NRG3: variants seen among roughly 807,000 people sequenced by gnomAD.
The protein encoded by NRG3 is pro-neuregulin-3, membrane-bound isoform.
In NRG3, 31 loss-of-function variants were observed where a neutral mutation model predicts 66.9. The observed-to-expected ratio is 0.46, with a 90% CI of 0.35 to 0.63. The LOEUF (loss-of-function observed/expected upper bound fraction) is 0.63. Among genes scored for constraint, NRG3 ranks in the 20% least tolerant of loss-of-function variants. NRG3 has a pLI of 0.00. For synonymous variants in NRG3, 393 were observed against 359.4 expected (o/e 1.09, Z -1.06); for missense variants, 910 against 878.9 (o/e 1.04, Z -0.45).
chr10:81,888,820 A>G (rs1393508153), intron 1 of NRG3, among the ~76,000 whole-genome samples: 1 of 152,136 alleles, frequency 6.6e-6, no homozygotes, highest in Non-Finnish European at 1.5e-5. Context: ...GTGATACAAT[A>G]TCTGTGGTAT....
At chr10:82,305,293 C>T (rs1324221316) in intron 1 of NRG3, among the ~76,000 whole-genome samples, 3 of 152,062 alleles carry the variant, frequency 2.0e-5, no homozygotes, top group Non-Finnish European at 4.4e-5. Flanking sequence ...CCGCGCCCGG[C>T]CCAAGTCATC....
chr10:82,780,643 A>T (rs2060086989), intron 3 of NRG3, among the ~76,000 whole-genome samples: 1 of 152,112 alleles, frequency 6.6e-6, no homozygotes, highest in South Asian at 2.1e-4. Flanking sequence ...TAGCTTAACC[A>T]TGTAAATACT....
At chr10:82,917,950 T>TTG (rs375123841) in intron 4 of NRG3, among the ~76,000 whole-genome samples, 2,624 of 121,730 alleles carry the variant, frequency 0.022, 49 homozygotes, top group Admixed American at 0.053. Flanking sequence ...GTATGTGGGA[T>TTG]TGTGTGTGTG....
intron 2 of NRG3, among the ~76,000 whole-genome samples, chr10:82,549,707 C>G (rs1323078202): frequency 2.0e-5 from 3 of 152,110 alleles, no homozygotes; most frequent in Non-Finnish European, 4.4e-5. Flanking sequence ...GGAGGGGATT[C>G]CTCATGCTCC....
intron 1 of NRG3, among the ~76,000 whole-genome samples, chr10:81,967,895 A>C (rs909538362): frequency 1.1e-4 from 17 of 152,216 alleles, no homozygotes; most frequent in Non-Finnish European, 8.8e-5. Flanking sequence ...AATTGAGACC[A>C]TCCACAATAT....
At chr10:82,776,093 A>G (rs1423217799) in intron 3 of NRG3, among the ~76,000 whole-genome samples, 1 of 152,232 alleles carries the variant, frequency 6.6e-6, no homozygotes, top group Non-Finnish European at 1.5e-5. Flanking sequence ...TGAAAAGCTA[A>G]ACATTTTTTG....
At chr10:82,966,302 T>G (rs1851203582) in intron 6 of NRG3, among the ~76,000 whole-genome samples, 1 of 152,086 alleles carries the variant, frequency 6.6e-6, no homozygotes, top group Non-Finnish European at 1.5e-5. Flanking sequence ...CCTGTGACAG[T>G]TTGTTGATTT....
At chr10:82,088,677 G>A (rs1564550075) in intron 1 of NRG3, among the ~76,000 whole-genome samples, 1 of 152,030 alleles carries the variant, frequency 6.6e-6, no homozygotes, top group South Asian at 2.1e-4. Context: ...ACTATACAAA[G>A]TTTTAAAACT....
At chr10:82,430,981 A>G (rs2089767693) in intron 2 of NRG3, among the ~76,000 whole-genome samples, 1 of 152,194 alleles carries the variant, frequency 6.6e-6, no homozygotes, top group Admixed American at 6.5e-5. Flanking sequence ...GTATGCACAC[A>G]GACTTTTAAT....
intron 1 of NRG3, among the ~76,000 whole-genome samples, chr10:81,943,789 G>T (rs1448325124): frequency 6.6e-6 from 1 of 152,294 alleles, no homozygotes; most frequent in East Asian, 1.9e-4. Context: ...TACAATCGTG[G>T]TGCTTTATAC....
At chr10:82,376,305 G>A (rs925456601) in intron 2 of NRG3, among the ~76,000 whole-genome samples, 3 of 152,280 alleles carry the variant, frequency 2.0e-5, no homozygotes, top group Admixed American at 2.0e-4. Context: ...TGGGACTAAG[G>A]CATTTGTCTT....
At chr10:82,610,202 GC>G (rs1372764118) in intron 2 of NRG3, among the ~76,000 whole-genome samples, 2 of 152,104 alleles carry the variant, frequency 1.3e-5, no homozygotes, top group African/African-American at 4.8e-5. Context: ...AATCTCTTCT[GC>G]CTCCAATTTC....
intron 2 of NRG3, among the ~76,000 whole-genome samples, chr10:82,424,858 G>A (rs990412408): frequency 6.6e-5 from 10 of 151,624 alleles, no homozygotes; most frequent in Non-Finnish European, 1.5e-5. Context: ...TTGGATGTGG[G>A]TATCTAGTTG....
intron 2 of NRG3, among the ~76,000 whole-genome samples, chr10:82,381,512 G>A (rs2135855425): frequency 6.6e-6 from 1 of 152,210 alleles, no homozygotes; most frequent in Middle Eastern, 3.4e-3. Flanking sequence ...AAGGCGATCA[G>A]CCTCCAGAGC....
chr10:82,436,453 A>T (rs1293577768), intron 2 of NRG3, among the ~76,000 whole-genome samples: 1 of 152,136 alleles, frequency 6.6e-6, no homozygotes, highest in African/African-American at 2.4e-5. Flanking sequence ...GGGTCTTCTG[A>T]AAACAGTACA....
chr10:82,401,575 G>A (rs2136058473), intron 2 of NRG3, among the ~76,000 whole-genome samples: 1 of 152,052 alleles, frequency 6.6e-6, no homozygotes, highest in South Asian at 2.1e-4. Context: ...CTTACATGAG[G>A]GGCACCCGGA....
At chr10:82,959,116 C>T in intron 6 of NRG3, 41 bp downstream of exon 6, 1 of 1,526,238 alleles carries the variant, frequency 6.6e-7, no homozygotes, top group Non-Finnish European at 8.8e-7. Flanking sequence ...TAGCCTACCT[C>T]AGTGCTTCCA....
intron 3 of NRG3, among the ~76,000 whole-genome samples, chr10:82,801,420 T>G (rs1308855937): frequency 6.6e-6 from 1 of 152,176 alleles, no homozygotes; most frequent in Non-Finnish European, 1.5e-5. Flanking sequence ...TCTTTCTGTC[T>G]TCAAAAAATG....
chr10:82,247,057 G>A (rs1415748743), intron 1 of NRG3, among the ~76,000 whole-genome samples: 1 of 152,160 alleles, frequency 6.6e-6, no homozygotes, highest in Admixed American at 6.5e-5. Flanking sequence ...GAAATTAAAA[G>A]GAGGCTGAAA....
Sources: gnomAD v4.1 joint callset for allele counts (sites outside exome capture counted in the v4.1 genomes callset) on GRCh38, gnomAD v4.1.1 for gene constraint, MANE v1.5 for transcripts, NCBI Gene and HGNC (gene_info 2026-07-23, HGNC 2026-07-21) for gene names.